CTNNA3: variants seen among roughly 807,000 people sequenced by gnomAD.
CTNNA3 encodes catenin alpha-3.
CTNNA3 carries 76 observed loss-of-function variants against 95.7 expected under a neutral mutation model. That is an observed-to-expected ratio of 0.79 (90% CI 0.66 to 0.96). CTNNA3 has a LOEUF of 0.96. Among genes scored for constraint, CTNNA3 ranks in the 40% least tolerant of loss-of-function variants. The pLI, the probability that CTNNA3 is intolerant of heterozygous loss-of-function variation, is 0.00. For synonymous variants in CTNNA3, 431 were observed against 374.4 expected (o/e 1.15, Z -1.74); for missense variants, 1,191 against 1,089.8 (o/e 1.09, Z -1.31).
At chr10:67,563,405 T>G (rs966618897) in intron 3 of CTNNA3, among the ~76,000 whole-genome samples, 1 of 152,182 alleles carries the variant, frequency 6.6e-6, no homozygotes. Flanking sequence ...GATTCCCTAT[T>G]TAATAAATGG....
chr10:67,582,562 A>G (rs113704077), intron 3 of CTNNA3, among the ~76,000 whole-genome samples: 13,461 of 151,800 alleles, frequency 0.089, no homozygotes, highest in African/African-American at 0.22. Context: ...AGCTCTGTAG[A>G]TGTCTATTAG....
intron 11 of CTNNA3, among the ~76,000 whole-genome samples, chr10:66,394,901 C>T (rs901992329): frequency 1.3e-5 from 2 of 151,458 alleles, no homozygotes; most frequent in African/African-American, 4.9e-5. Flanking sequence ...AAAAGAAACC[C>T]TAAACAAATA....
At chr10:66,072,321 C>T (rs1032285060) in intron 14 of CTNNA3, among the ~76,000 whole-genome samples, 3 of 152,162 alleles carry the variant, frequency 2.0e-5, no homozygotes, top group Non-Finnish European at 4.4e-5. Context: ...CCAACACCTG[C>T]TATAAAACTT....
intron 11 of CTNNA3, among the ~76,000 whole-genome samples, chr10:66,471,891 G>C (rs201353956): frequency 6.6e-6 from 1 of 151,878 alleles, no homozygotes; most frequent in Non-Finnish European, 1.5e-5. Context: ...AATATATATT[G>C]GTTGCTGAAA....
intron 6 of CTNNA3, among the ~76,000 whole-genome samples, chr10:67,185,395 G>A (rs1445769098): frequency 1.3e-5 from 2 of 151,852 alleles, no homozygotes; most frequent in Non-Finnish European, 2.9e-5. Flanking sequence ...CAAAGTGCTG[G>A]GATTACAGGT....
At chr10:66,404,550 C>G (rs10997105) in intron 11 of CTNNA3, among the ~76,000 whole-genome samples, 2,383 of 152,188 alleles carry the variant, frequency 0.016, 35 homozygotes, top group Non-Finnish European at 0.021. Flanking sequence ...GCTTAAAGTC[C>G]TTTAAGAGAA....
chr10:66,795,754 A>G (rs1904425), intron 7 of CTNNA3, among the ~76,000 whole-genome samples: 37,504 of 152,122 alleles, frequency 0.25, 5,354 homozygotes, highest in African/African-American at 0.4. Flanking sequence ...AAGTGTAACT[A>G]CTTCATCAAC....
chr10:67,359,724 C>A (rs1842931791), intron 5 of CTNNA3, among the ~76,000 whole-genome samples: 1 of 152,118 alleles, frequency 6.6e-6, no homozygotes, highest in South Asian at 2.1e-4. Context: ...GAGACCAAAT[C>A]TATGACTCAT....
chr10:66,010,102 AT>A (rs1468626216), intron 15 of CTNNA3, among the ~76,000 whole-genome samples: 1 of 151,604 alleles, frequency 6.6e-6, no homozygotes, highest in Non-Finnish European at 1.5e-5. Flanking sequence ...ATGGATAATC[AT>A]TTTTGAAACC....
At chr10:66,629,621 G>T (rs573390549) in intron 9 of CTNNA3, among the ~76,000 whole-genome samples, 89 of 152,078 alleles carry the variant, frequency 5.9e-4, no homozygotes, top group Non-Finnish European at 8.2e-4. Context: ...ATGCAAATTT[G>T]GTTCCCCCAT....
intron 15 of CTNNA3, among the ~76,000 whole-genome samples, chr10:66,030,119 C>A (rs1311039705): frequency 1.3e-5 from 2 of 152,038 alleles, no homozygotes; most frequent in African/African-American, 2.4e-5. Context: ...TAGGGAGAAT[C>A]AATATCATAA....
chr10:67,679,034 TG>T (rs1192742620), intron 1 of CTNNA3, among the ~76,000 whole-genome samples: 1 of 152,182 alleles, frequency 6.6e-6, no homozygotes, highest in East Asian at 1.9e-4. Context: ...CCAAGGAGAA[TG>T]GTCTTTAAAA....
At chr10:66,259,095 C>A (rs759730404) in intron 13 of CTNNA3, among the ~76,000 whole-genome samples, 3 of 152,076 alleles carry the variant, frequency 2.0e-5, no homozygotes, top group Admixed American at 2.0e-4. Flanking sequence ...CTTTTTAATG[C>A]TCTCATTAAG....
At chr10:66,705,923 C>T (rs995450969) in intron 9 of CTNNA3, among the ~76,000 whole-genome samples, 4 of 152,024 alleles carry the variant, frequency 2.6e-5, no homozygotes, top group Non-Finnish European at 5.9e-5. Flanking sequence ...CACAATTCTC[C>T]TAGACACAAG....
At chr10:67,386,855 T>C (rs1037317495) in intron 5 of CTNNA3, among the ~76,000 whole-genome samples, 1 of 152,234 alleles carries the variant, frequency 6.6e-6, no homozygotes, top group African/African-American at 2.4e-5. Context: ...TTCCACATAA[T>C]GTTAATAACA....
chr10:66,116,944 C>G (rs1248096193), intron 13 of CTNNA3, among the ~76,000 whole-genome samples: 1 of 152,172 alleles, frequency 6.6e-6, no homozygotes, highest in African/African-American at 2.4e-5. Flanking sequence ...CACCACCCCC[C>G]CAGGCCCCTC....
rs575183034 is a variant in CTNNA3 at position 66,937,296 on chromosome 10, G to A, written c.1048-161772C>T. Among the ~76,000 whole-genome samples the A allele has an allele frequency of 2.6e-5, 4 of 152,180 alleles. No homozygotes were observed. The South Asian group carries it at 8.3e-4, about 32-fold the overall frequency. ...ACAATGTAGTTATCATGGGATTGTT[G>A]CAAGAAGGCAAAGAATCAGCATTTG... On this transcript the variant is annotated intron_variant, in intron 7 of 17. Coordinates refer to ENST00000433211, the MANE Select transcript of CTNNA3 (RefSeq NM_013266.4).
chr10:67,627,662 G>A (rs1346747983), intron 2 of CTNNA3, among the ~76,000 whole-genome samples: 2 of 151,994 alleles, frequency 1.3e-5, no homozygotes, highest in Non-Finnish European at 2.9e-5. Context: ...TTGACATCTT[G>A]TTCTTATATG....
At chr10:67,727,979 A>G (rs1841250685) in intron 1 of CTNNA3, among the ~76,000 whole-genome samples, 1 of 138,522 alleles carries the variant, frequency 7.2e-6, no homozygotes, top group African/African-American at 2.7e-5. Context: ...ATGACACATA[A>G]TACATATATG....
Sources: allele counts gnomAD v4.1 joint callset (sites outside exome capture counted in the v4.1 genomes callset), GRCh38; gene constraint gnomAD v4.1.1; transcripts MANE v1.5; gene names NCBI Gene and HGNC (gene_info 2026-07-23, HGNC 2026-07-21).